ADGRF5: variants seen among roughly 807,000 people sequenced by gnomAD.
ADGRF5 encodes G-protein coupled receptor 116.
Under a neutral mutation model 132.3 loss-of-function variants are expected in ADGRF5, and 75 were observed. The observed-to-expected ratio is 0.57, with a 90% CI of 0.47 to 0.69. The LOEUF (loss-of-function observed/expected upper bound fraction) is 0.69, where lower values mean the gene tolerates loss of function less well. Among genes scored for constraint, ADGRF5 ranks in the 30% least tolerant of loss-of-function variants. The pLI is 0.00. For synonymous variants in ADGRF5, 629 were observed against 597.6 expected (o/e 1.05, Z -0.77); for missense variants, 1,516 against 1,630.6 (o/e 0.93, Z 1.21).
At chr6:46,864,860 G>C (rs1332140269) in intron 14 of ADGRF5, among the ~76,000 whole-genome samples, 182 bp downstream of exon 14, 1 of 152,116 alleles carries the variant, frequency 6.6e-6, no homozygotes, top group East Asian at 1.9e-4. Flanking sequence ...TCTTCCCTAG[G>C]CTTGAGGCCA....
At position 46,852,740 on chromosome 6, in the gene ADGRF5, C is replaced by T. The variant is rs965841468; in HGVS notation, c.*1252G>A. On this transcript the variant is annotated 3_prime_UTR_variant, in exon 21 of 21. Transcript: ENST00000283296. ...AGTGTCATTAGGAGCACAGAACAAC[C>T]GAATGTAAAATTTCTTTCCAGGAGC... 2 of 151,058 alleles carry T rather than the reference C, an allele frequency of 1.3e-5. No individual in the cohort carries two copies. Among genetic ancestry groups the T allele is most frequent in the Non-Finnish European group, 2.9e-5 (2 of 68,024 alleles). 9.4% of individuals were successfully genotyped at this position (151,058 alleles called of 1,614,324 possible). A position where few individuals can be genotyped will look rare whatever the true frequency, so the allele number is the denominator to read the frequency against.
chr6:46,919,601 C>T (rs1270064126), intron 1 of ADGRF5, among the ~76,000 whole-genome samples: 3 of 152,112 alleles, frequency 2.0e-5, no homozygotes, highest in East Asian at 1.9e-4. Context: ...TCAATAAACC[C>T]ACACTCAGTA....
rs9369644 is a variant in ADGRF5 at position 46,882,686 on chromosome 6, C to T, written c.613-579G>A. ...CTAGGTGGTTGCTATGTAACTCTCT[C>T]TTTCAAAGCATATAATTTAGTGTAG... On this transcript the variant is annotated intron_variant, in intron 6 of 20. Transcript: ENST00000283296. Among the ~76,000 whole-genome samples the T allele has an allele frequency of 6.6e-4, 100 of 152,342 alleles. 1 individual carries two copies. In the East Asian group the frequency reaches 0.018, roughly 28 times the overall value.
At chr6:46,905,035 G>C (rs1581939677) in intron 2 of ADGRF5, among the ~76,000 whole-genome samples, 1 of 152,092 alleles carries the variant, frequency 6.6e-6, no homozygotes, top group Admixed American at 6.5e-5. Context: ...GCAGATGAAG[G>C]GGCTTTGCCA....
intron 3 of ADGRF5, among the ~76,000 whole-genome samples, chr6:46,892,983 CATT>C (rs1167901718): frequency 1.3e-5 from 2 of 148,200 alleles, no homozygotes; most frequent in African/African-American, 4.9e-5. Flanking sequence ...GATCTTTCAT[CATT>C]ATACTGGAGG....
intron 16 of ADGRF5, among the ~76,000 whole-genome samples, chr6:46,860,205 T>C (rs929698018): frequency 1.3e-5 from 2 of 152,182 alleles, no homozygotes; most frequent in African/African-American, 4.8e-5. Flanking sequence ...GGCTTCTAAA[T>C]GTTGCTGGTC....
intron 3 of ADGRF5, among the ~76,000 whole-genome samples, chr6:46,889,144 C>A (rs963282482): frequency 1.4e-3 from 203 of 149,778 alleles, no homozygotes; most frequent in African/African-American, 4.8e-3. Flanking sequence ...ACAGCTACAT[C>A]AGGCAGGCTA....
intron 1 of ADGRF5, among the ~76,000 whole-genome samples, chr6:46,943,143 T>C (rs1778160909): frequency 6.7e-6 from 1 of 149,940 alleles, no homozygotes; most frequent in Non-Finnish European, 1.5e-5. Context: ...ATATGAAACT[T>C]ACACATACAA....
At chr6:46,945,296 T>G (rs1206400401) in intron 1 of ADGRF5, among the ~76,000 whole-genome samples, 2 of 152,240 alleles carry the variant, frequency 1.3e-5, no homozygotes, top group Non-Finnish European at 2.9e-5. Flanking sequence ...GTTAGTAACC[T>G]ATATGTGAGT....
In ADGRF5 at chr6:46,941,453, AAAG is replaced by A. The variant is rs753473674; in HGVS notation, c.-25+13278_-25+13280del. Reference sequence around the variant, plus strand: ...AAAGAAAAGAAAAGAAAAGAAAAGAAAAGAAAAGAAAAGAAAGAAAAGAAAAGA... The same window carrying A: ...AAAGAAAAGAAAAGAAAAGAAAAGAAAAAAGAAAAGAAAGAAAAGAAAAGA... On this transcript the variant is annotated intron_variant, in intron 1 of 20. Transcript: ENST00000265417. Among the ~76,000 whole-genome samples the A allele has an allele frequency of 6.2e-3, 270 of 43,902 alleles. 2 individuals carry two copies. The highest frequency in any genetic ancestry group is 0.017 in the African/African-American group (252 of 14,834). The allele number at this position is 43,902 out of a possible 152,430, so 28.8% of individuals were successfully genotyped here.
At position 46,888,491 on chromosome 6, in the gene ADGRF5, G is replaced by A. The variant is rs139856813; in HGVS notation, c.172C>T (p.Pro58Ser). 47 of 1,612,740 alleles carry A rather than the reference G, an allele frequency of 2.9e-5. No homozygotes were observed. Among genetic ancestry groups the A allele is most frequent in the Middle Eastern group, 1.7e-4 (1 of 6,056 alleles). ...RQKRAVATKS[P>S]TAEEYTVNIE... ...TTAACAGTGTATTCTTCAGCCGTAG[G>A]ACTTTTTGTGGCAACTGCAATGAAA... The change falls in exon 4 of 21, where the codon CCT becomes TCT. Residue 58 changes from proline (P) to serine (S), a missense_variant. Pro to Ser is a moderately conservative substitution (Grantham distance 74, BLOSUM62 -1). This residue lies in a region of ADGRF5 where 945 missense variants were observed against 929.4 expected (regional missense o/e 1.02). Coordinates refer to ENST00000283296, the MANE Select transcript of ADGRF5 (RefSeq NM_001098518.2).
intron 3 of ADGRF5, among the ~76,000 whole-genome samples, chr6:46,896,627 TAAC>T (rs944377598): frequency 1.3e-5 from 2 of 151,664 alleles, no homozygotes; most frequent in African/African-American, 4.9e-5. Flanking sequence ...TTAATCTTCC[TAAC>T]AACCCTATAA....
chr6:46,925,029 C>T (rs1298441792), upstream of ADGRF5, among the ~76,000 whole-genome samples: 1 of 152,128 alleles, frequency 6.6e-6, no homozygotes, highest in Non-Finnish European at 1.5e-5. Flanking sequence ...TTAAAATGGT[C>T]CTTATAAAAT....
At chr6:46,867,687 C>T (rs534696535) in intron 12 of ADGRF5, among the ~76,000 whole-genome samples, 5 of 152,276 alleles carry the variant, frequency 3.3e-5, no homozygotes, top group Admixed American at 1.3e-4. Flanking sequence ...TAAGACCCTT[C>T]AATTTTCTTT....
intron 1 of ADGRF5, among the ~76,000 whole-genome samples, chr6:46,952,481 A>G (rs1209294309): frequency 6.6e-6 from 1 of 152,194 alleles, no homozygotes; most frequent in East Asian, 1.9e-4. Context: ...GGAAACAACT[A>G]ATGAAAGAGG....
At chr6:46,872,827 A>G (rs932231786) in intron 10 of ADGRF5, among the ~76,000 whole-genome samples, 3 of 152,094 alleles carry the variant, frequency 2.0e-5, no homozygotes, top group African/African-American at 7.2e-5. Context: ...AACACTATCA[A>G]TCTTCCGAAA....
chr6:46,922,885 A>G (rs867953217), upstream of ADGRF5, among the ~76,000 whole-genome samples: 16 of 152,306 alleles, frequency 1.1e-4, no homozygotes, highest in African/African-American at 3.8e-4. Flanking sequence ...AGTCCCACCA[A>G]TTATATGTGG....
chr6:46,864,052 C>T (rs1170356228), intron 14 of ADGRF5, among the ~76,000 whole-genome samples: 1 of 152,294 alleles, frequency 6.6e-6, no homozygotes, highest in African/African-American at 2.4e-5. Flanking sequence ...GATAACGATC[C>T]TTTGTCTATC....
At chr6:46,867,606 G>A (rs1770593236) in intron 12 of ADGRF5, among the ~76,000 whole-genome samples, 1 of 152,108 alleles carries the variant, frequency 6.6e-6, no homozygotes, top group Non-Finnish European at 1.5e-5. Context: ...CATGGCCCCA[G>A]AGGACAAGTC....
Sources: allele counts gnomAD v4.1 joint callset (sites outside exome capture counted in the v4.1 genomes callset), GRCh38; gene constraint gnomAD v4.1.1; regional missense constraint gnomAD v4.1.1; transcripts MANE v1.5; gene names NCBI Gene and HGNC (gene_info 2026-07-23, HGNC 2026-07-21).